UBXN11: variants seen among roughly 807,000 people sequenced by gnomAD.
UBXN11 encodes the protein UBX domain protein 11.
UBXN11 carries 47 observed loss-of-function variants against 62.8 expected under a neutral mutation model. The ratio of observed to expected loss-of-function variants is 0.75; its 90% confidence interval spans 0.59 to 0.95. The LOEUF (loss-of-function observed/expected upper bound fraction) is 0.95, where lower values mean the gene tolerates loss of function less well. UBXN11 is among the 40% of genes least tolerant of loss of function. UBXN11 has a pLI of 0.00. For synonymous variants in UBXN11, 294 were observed against 267.0 expected (o/e 1.10, Z -0.99); for missense variants, 638 against 661.7 (o/e 0.96, Z 0.39).
At chr1:26,297,402 G>A (rs533304394) in intron 6 of UBXN11, 25 bp downstream of exon 6, 2 of 1,521,140 alleles carry the variant, frequency 1.3e-6, no homozygotes, top group East Asian at 2.5e-5. Context: ...TGGGGGCGCA[G>A]GTCAGCCCTC....
chr1:26,309,686 A>G (rs2073720992), upstream of UBXN11, among the ~76,000 whole-genome samples: 1 of 151,996 alleles, frequency 6.6e-6, no homozygotes, highest in South Asian at 2.1e-4. Flanking sequence ...TAACTTAACA[A>G]CTCTATGAGG....
chr1:26,294,107 G>A (rs1007674699), intron 8 of UBXN11, 98 bp downstream of exon 8: 46 of 1,525,802 alleles, frequency 3.0e-5, no homozygotes, highest in Middle Eastern at 1.8e-4. Flanking sequence ...TCAGGGACCC[G>A]GGCACGAATG....
upstream of UBXN11, chr1:26,306,823 G>GCC (rs1192188311): frequency 2.0e-5 from 2 of 97,662 alleles, no homozygotes; most frequent in Non-Finnish European, 4.5e-5. Flanking sequence ...CAGGTCCGGG[G>GCC]CGGGGTGGGG....
At chr1:26,304,035 G>A (rs1386701844) in intron 1 of UBXN11, among the ~76,000 whole-genome samples, 3 of 152,110 alleles carry the variant, frequency 2.0e-5, no homozygotes, top group Non-Finnish European at 4.4e-5. Flanking sequence ...GGGATTACAG[G>A]CATGAGCCAC....
intron 8 of UBXN11, among the ~76,000 whole-genome samples, chr1:26,286,592 T>C (rs987360169): frequency 2.3e-5 from 3 of 131,558 alleles, no homozygotes; most frequent in Admixed American, 7.3e-5. Flanking sequence ...GAAGTAACCA[T>C]GTTAAGAGCC....
At position 26,300,838 on chromosome 1, in the gene UBXN11, G is replaced by A. The variant is rs569435559; in HGVS notation, c.199+88C>T. On this transcript the variant is annotated intron_variant, in intron 4 of 14. Transcript: ENST00000374222. ...GCTGCCTCAGACCAAACAGGCGAGA[G>A]GAAGGGCCATGCCTCCCTAGGCCTT... The A allele has an allele frequency of 1.2e-4, 189 of 1,596,586 alleles. No homozygotes were observed. The African/African-American group carries it at 2.4e-3, about 20-fold the overall frequency.
intron 8 of UBXN11, 84 bp from the exon 9 acceptor site, chr1:26,286,121 C>T (rs2073128181): frequency 7.6e-7 from 1 of 1,320,322 alleles, no homozygotes; most frequent in Admixed American, 2.6e-5. Flanking sequence ...CCCTCCCAAG[C>T]TGGGCAGTGG....
rs1489479895 is a variant in UBXN11, at chr1:26,301,679, G to A, written c.100+15C>T. The A allele has an allele frequency of 2.9e-5, 46 of 1,613,802 alleles. No homozygotes were observed. Among genetic ancestry groups the A allele is most frequent in the Non-Finnish European group, 3.9e-5 (46 of 1,179,870 alleles). On this transcript the variant is annotated intron_variant, in intron 3 of 14. Transcript: ENST00000374222. ...CATGAGAGGCGAAGAGGGCACGAGG[G>A]CGGGGCACACTTACCATCTCCATAG...
In UBXN11 at chr1:26,296,981, G is replaced by C; in HGVS notation, c.370C>G (p.Gln124Glu). 1 of 1,604,160 alleles carries C rather than the reference G, an allele frequency of 6.2e-7. No individual in the cohort carries two copies. The highest frequency in any genetic ancestry group is 8.5e-7 in the Non-Finnish European group (1 of 1,175,034). ...LRPHPAEATL[Q>E]RQEELETMCV... ...ATCGTCTCCAGTTCCTCCTGCCGCT[G>C]CAGGGTTGCCTCGGCTTCAGGGAAA... The change falls in exon 7 of 15, where the codon CAG becomes GAG. Residue 124 changes from glutamine to glutamate, a missense_variant. Coordinates refer to ENST00000374222, the MANE Select transcript of UBXN11 (RefSeq NM_001389556.1).
At chr1:26,311,908 T>G (rs1415645102) in intron 1 of UBXN11, among the ~76,000 whole-genome samples, 2 of 152,178 alleles carry the variant, frequency 1.3e-5, no homozygotes, top group Non-Finnish European at 2.9e-5. Context: ...TTTAGCAGAA[T>G]ACAAATCTAG....
At chr1:26,287,976 T>C (rs4659421) in intron 8 of UBXN11, among the ~76,000 whole-genome samples, 131,491 of 150,300 alleles carry the variant, frequency 0.87, 58,493 homozygotes, top group Non-Finnish European at 0.93. Flanking sequence ...ACAGTCATGA[T>C]ACTGCAACCG....
At chr1:26,301,455 A>G (rs1454048019) in intron 3 of UBXN11, among the ~76,000 whole-genome samples, 1 of 152,158 alleles carries the variant, frequency 6.6e-6, no homozygotes, top group Non-Finnish European at 1.5e-5. Context: ...CAGTGGGTCA[A>G]GGGGTTCAAA....
rs2073002412 is a variant in UBXN11 at position 26,282,322 on chromosome 1, CAGGACAGGGACT to C, written c.1528_1539del (p.Ser510_Pro513del). 2.6e-6 allele frequency: 2 copies of C among 775,964 alleles called. No individual in the cohort carries two copies. Among genetic ancestry groups the C allele is most frequent in the Non-Finnish European group, 1.7e-6 (1 of 601,664 alleles). The allele number at this position is 775,964 out of a possible 1,614,324, so 48.1% of individuals were successfully genotyped here. Reference sequence around the variant, plus strand: ...CTTTATTGGGGGCTGGGACTGGGTCCAGGACAGGGACTGGGGCCGGGACCGGGACCGGGACTG... The same window carrying C: ...CTTTATTGGGGGCTGGGACTGGGTCCGGGGCCGGGACCGGGACCGGGACTG... On this transcript the variant is annotated inframe_deletion, in exon 15 of 15. Transcript: ENST00000374222.
At chr1:26,284,767 AG>A (rs2073087531) in intron 10 of UBXN11, 1 of 1,219,326 alleles carries the variant, frequency 8.2e-7, no homozygotes, top group South Asian at 2.5e-5. Flanking sequence ...GCAGAGTGTG[AG>A]GGGGTCAGGA....
At chr1:26,299,820 T>G (rs904916050) in intron 4 of UBXN11, among the ~76,000 whole-genome samples, 1 of 151,920 alleles carries the variant, frequency 6.6e-6, no homozygotes, top group African/African-American at 2.4e-5. Flanking sequence ...GAGAACCTGG[T>G]TGCCATGGTT....
chr1:26,298,052 G>A lies in UBXN11; in HGVS notation c.210C>T (p.Ser70=), dbSNP rs563593772. ...TGAAGGCCATCAGCTCCGAGTCATG[G>A]GATGCAGGGACTGCCAAGCACACAA... ...GAPVSRQVPA[S]HDSELMAFMT... Residue 70 remains serine (S), a synonymous_variant, in exon 5 of 15, where the codon TCC becomes TCT. Coordinates refer to ENST00000374222, the MANE Select transcript of UBXN11 (RefSeq NM_001389556.1). 2.2e-5 allele frequency: 36 copies of A among 1,613,304 alleles called. No homozygotes were observed. In the East Asian group the frequency reaches 7.1e-4, roughly 32 times the overall value.
rs2073338299 is a variant in UBXN11, at chr1:26,294,098, C to G, written c.559+107G>C. ...TGTGGGCTCTCAGGGCGTCTTGGGT[C>G]AGGGACCCGGGCACGAATGAGATAG... is the stretch of plus-strand genomic sequence containing the variant. On this transcript the variant is annotated intron_variant, in intron 8 of 14. Transcript: ENST00000374222. 6 of 1,512,314 alleles carry G rather than the reference C, an allele frequency of 4.0e-6. No individual in the cohort carries two copies. The South Asian group carries it at 6.4e-5, about 16-fold the overall frequency. The allele number at this position is 1,512,314 out of a possible 1,614,324, so 93.7% of individuals were successfully genotyped here. A position where few individuals can be genotyped will look rare whatever the true frequency, so the allele number is the denominator to read the frequency against.
At chr1:26,318,185 C>T (rs752267011) in exon 1 of UBXN11, 69 of 867,354 alleles carry the variant, frequency 8.0e-5, no homozygotes, top group African/African-American at 3.4e-4. Context: ...GAGAGCACAG[C>T]AGATGGACTC....
At chr1:26,316,050 C>T (rs1160864829) in intron 1 of UBXN11, among the ~76,000 whole-genome samples, 7 of 147,910 alleles carry the variant, frequency 4.7e-5, no homozygotes, top group Non-Finnish European at 1.0e-4. Context: ...GCCTGGGCCT[C>T]CCAGGTGCAA....
Sources: allele counts gnomAD v4.1 joint callset (sites outside exome capture counted in the v4.1 genomes callset), GRCh38; gene constraint gnomAD v4.1.1; transcripts MANE v1.5; gene names NCBI Gene and HGNC (gene_info 2026-07-23, HGNC 2026-07-21).